UBOX5: variants seen among roughly 807,000 people sequenced by gnomAD.
The protein encoded by UBOX5 is U-box domain containing 5.
Under a neutral mutation model 39.0 loss-of-function variants are expected in UBOX5, and 28 were observed. The ratio of observed to expected loss-of-function variants is 0.72; its 90% CI spans 0.53 to 0.98. UBOX5 has a LOEUF of 0.98. UBOX5 is among the 50% of genes least tolerant of loss of function. UBOX5 has a pLI of 0.00. For synonymous variants in UBOX5, 283 were observed against 275.5 expected (o/e 1.03, Z -0.27); for missense variants, 585 against 674.4 (o/e 0.87, Z 1.47).
At chr20:3,124,735 C>T (rs1230668913) in intron 1 of UBOX5, among the ~76,000 whole-genome samples, 1 of 150,854 alleles carries the variant, frequency 6.6e-6, no homozygotes, top group African/African-American at 2.4e-5. Context: ...GCCCGGCCGC[C>T]CTGTCTGGGA....
intron 1 of UBOX5, among the ~76,000 whole-genome samples, chr20:3,139,742 C>CTGTG (rs1327664464): frequency 6.6e-6 from 1 of 150,818 alleles, no homozygotes; most frequent in Non-Finnish European, 1.5e-5. Context: ...CGGAGTCTTG[C>CTGTG]TGTGTCACCT....
intron 1 of UBOX5, chr20:3,151,641 A>G (rs188005578): frequency 2.5e-3 from 383 of 151,962 alleles, no homozygotes; most frequent in African/African-American, 8.9e-3. Context: ...AAAATAAAAA[A>G]TAAATTAAAA....
Position 3,121,998 on chromosome 20 carries a change from G to A in UBOX5, c.641C>T (p.Ser214Leu), listed in dbSNP as rs1462523072. 2 of 1,614,168 alleles carry A rather than the reference G, an allele frequency of 1.2e-6. No homozygotes were observed. ...AGCCACATCCTGAGGCAGGTTCTCTGAGGTGACCAGCAGGATGCTGTCTAT... is the reference window on the plus strand; with the variant it reads ...AGCCACATCCTGAGGCAGGTTCTCTAAGGTGACCAGCAGGATGCTGTCTAT... ...EVIDSILLVT[S>L]ENLPQDVALQ... The change falls in exon 3 of 5, where the codon TCA becomes TTA. Residue 214 changes from serine (S) to leucine (L), a missense_variant. Ser to Leu is a moderately radical substitution (Grantham distance 145, BLOSUM62 -2). Transcript: ENST00000217173.
Position 3,147,232 on chromosome 20 carries a change from T to C in UBOX5, c.-42+12534A>G, listed in dbSNP as rs758604569. On this transcript the variant is annotated intron_variant, in intron 1 of 4. Transcript: ENST00000217173. The stretch of plus-strand genomic sequence containing the variant: ...CCACATGCTCAAGCCTTAATTTGGC[T>C]ACATTTTCAGCCGGCGTGGCTTCTC... 8.1e-6 allele frequency: 13 copies of C among 1,614,120 alleles called. No homozygotes were observed. The East Asian group carries it at 8.9e-5, about 11-fold the overall frequency.
intron 3 of UBOX5, among the ~76,000 whole-genome samples, chr20:3,118,194 C>T (rs986073040): frequency 3.3e-5 from 5 of 149,928 alleles, no homozygotes; most frequent in Admixed American, 3.3e-4. Context: ...ATTAACAGGC[C>T]GGGCACTATC....
At chr20:3,158,566 C>A (rs184938981) in intron 1 of UBOX5, among the ~76,000 whole-genome samples, 2 of 152,154 alleles carry the variant, frequency 1.3e-5, no homozygotes, top group Non-Finnish European at 2.9e-5. Context: ...CTCCGCCTCC[C>A]GGGGTTCACG....
chr20:3,145,725 C>A (rs913667879), intron 1 of UBOX5, among the ~76,000 whole-genome samples: 1 of 152,138 alleles, frequency 6.6e-6, no homozygotes, highest in Non-Finnish European at 1.5e-5. Context: ...CATGAGCCAC[C>A]ACATCCAGCA....
In UBOX5 at chr20:3,109,945, G is replaced by GT; in HGVS notation, c.*160_*161insA. On this transcript the variant is annotated 3_prime_UTR_variant, in exon 5 of 5. Coordinates refer to ENST00000217173, the MANE Select transcript of UBOX5 (RefSeq NM_014948.4). Reference sequence around the variant, plus strand: ...TTGTTGCCCTATTGCCACCAGCGCAGAAGCAATGTGCTATACCGTGAGGTG... The same window carrying GT: ...TTGTTGCCCTATTGCCACCAGCGCAGTAAGCAATGTGCTATACCGTGAGGTG... 2.5e-6 allele frequency: 2 copies of GT among 795,730 alleles called. No homozygotes were observed. The highest frequency in any genetic ancestry group is 4.0e-6 in the Non-Finnish European group (2 of 505,616). 49.3% of individuals were successfully genotyped at this position (795,730 alleles called of 1,614,324 possible).
intron 1 of UBOX5, among the ~76,000 whole-genome samples, chr20:3,143,635 A>T (rs1023879559): frequency 8.5e-5 from 13 of 152,092 alleles, no homozygotes; most frequent in African/African-American, 3.1e-4. Context: ...CTCTATTAAA[A>T]ATACAAAAAA....
rs927254792 is a variant in UBOX5 at position 3,109,297 on chromosome 20, C to T, written c.*809G>A. On this transcript the variant is annotated 3_prime_UTR_variant, in exon 5 of 5. Coordinates refer to ENST00000217173, the MANE Select transcript of UBOX5 (RefSeq NM_014948.4). ...AAACAAGTATTTTTCCTGAAACCAA[C>T]TGCATGAGGAAACGCTGCGCTCCCC... 6.6e-6 allele frequency: 1 copy of T among 152,098 alleles called. No individual in the cohort carries two copies. Among genetic ancestry groups the T allele is most frequent in the Non-Finnish European group, 1.5e-5 (1 of 68,050 alleles). The allele number at this position is 152,098 out of a possible 1,614,324, so 9.4% of individuals were successfully genotyped here.
intron 3 of UBOX5, among the ~76,000 whole-genome samples, chr20:3,118,148 G>A (rs965855983): frequency 6.6e-6 from 1 of 151,986 alleles, no homozygotes. Flanking sequence ...GCGACAGAGG[G>A]AGACTGTTTC....
Position 3,121,775 on chromosome 20 carries a change from T to C in UBOX5, c.864A>G (p.Thr288=). The change falls in exon 3 of 5, where the codon ACA becomes ACG. Residue 288 remains threonine (T), a synonymous_variant. Transcript: ENST00000217173. ...LPSGKVIDQS[T]LEKCNRSEAT... ...CTTCACTGCGGTTACACTTCTCCAG[T>C]GTGCTCTGGTCGATGACCTTGCCTG... 7 of 1,614,126 alleles carry C rather than the reference T, an allele frequency of 4.3e-6. No individual in the cohort carries two copies. The highest frequency in any genetic ancestry group is 5.9e-6 in the Non-Finnish European group (7 of 1,180,032).
chr20:3,131,169 C>T (rs1006353019), intron 1 of UBOX5, among the ~76,000 whole-genome samples: 2 of 150,744 alleles, frequency 1.3e-5, no homozygotes, highest in Admixed American at 6.6e-5. Flanking sequence ...GCAGAGGTTG[C>T]AGTGAGCCGA....
chr20:3,111,807 T>G (rs2066255931), intron 4 of UBOX5: 1 of 152,218 alleles, frequency 6.6e-6, no homozygotes, highest in African/African-American at 2.4e-5. Context: ...CAGGACTATG[T>G]CCATGTTTCT....
intron 1 of UBOX5, chr20:3,146,937 T>C (rs1252841502): frequency 1.2e-6 from 2 of 1,614,200 alleles, no homozygotes; most frequent in Non-Finnish European, 8.5e-7. Flanking sequence ...AGGAGATCCC[T>C]GGAGCCATAG....
intron 4 of UBOX5, 134 bp from the exon 5 acceptor site, chr20:3,110,448 G>T: frequency 9.6e-7 from 1 of 1,041,914 alleles, no homozygotes; most frequent in Non-Finnish European, 1.4e-6. Flanking sequence ...ATCCCAGTCT[G>T]ATCAGGTAGG....
intron 3 of UBOX5, among the ~76,000 whole-genome samples, chr20:3,119,619 T>C (rs2066319049): frequency 6.6e-6 from 1 of 151,838 alleles, no homozygotes; most frequent in Non-Finnish European, 1.5e-5. Context: ...TCTGGGAGGC[T>C]GAGGTGGGCG....
intron 1 of UBOX5, among the ~76,000 whole-genome samples, chr20:3,154,082 C>T (rs2066660273): frequency 6.6e-6 from 1 of 152,142 alleles, no homozygotes. Flanking sequence ...GGAGAGCTAC[C>T]ACAATTGAAG....
In UBOX5 at chr20:3,121,403, T is replaced by A; in HGVS notation, c.1236A>T (p.Thr412=). 1 of 1,612,942 alleles carries A rather than the reference T, an allele frequency of 6.2e-7. No homozygotes were observed. The highest frequency in any genetic ancestry group is 1.7e-5 in the Admixed American group (1 of 59,946). ...KMKATNEPSL[T]HMDCSTGPLS... The stretch of plus-strand genomic sequence containing the variant: ...AATTACCTGTCGAGCAGTCCATATG[T>A]GTCAGGCTGGGCTCATTGGTGGCTT... Residue 412 remains threonine (T), a synonymous_variant, in exon 3 of 5, where the codon ACA becomes ACT. Coordinates refer to ENST00000217173, the MANE Select transcript of UBOX5 (RefSeq NM_014948.4).
Sources: allele counts gnomAD v4.1 joint callset (sites outside exome capture counted in the v4.1 genomes callset), GRCh38; gene constraint gnomAD v4.1.1; transcripts MANE v1.5; gene names NCBI Gene and HGNC (gene_info 2026-07-23, HGNC 2026-07-21).